RIMS2: variants seen among roughly 807,000 people sequenced by gnomAD.
RIMS2 encodes the protein regulating synaptic membrane exocytosis protein 2.
RIMS2 carries 59 observed loss-of-function variants against 174.4 expected under a neutral mutation model. The ratio of observed to expected loss-of-function variants is 0.34; its 90% CI spans 0.27 to 0.42. The LOEUF (loss-of-function observed/expected upper bound fraction) is 0.42. Ranked by LOEUF, RIMS2 falls within the 10% of genes least tolerant of loss-of-function variation. The probability of loss-of-function intolerance (pLI) is 1.00; values close to 1 mark genes in which losing one functional copy is unlikely to be tolerated. For missense variants in RIMS2, 1,620 were observed against 1,666.3 expected (o/e 0.97, Z 0.48); for synonymous variants, 606 against 572.5 (o/e 1.06, Z -0.84).
intron 2 of RIMS2, among the ~76,000 whole-genome samples, chr8:103,734,591 G>A (rs1038270900): frequency 2.6e-5 from 4 of 151,558 alleles, no homozygotes; most frequent in Non-Finnish European, 4.4e-5. Flanking sequence ...TGGAGTATCT[G>A]CAGGTTTTCT....
At chr8:103,882,411 C>T (rs958092306) in intron 3 of RIMS2, among the ~76,000 whole-genome samples, 5 of 151,444 alleles carry the variant, frequency 3.3e-5, no homozygotes, top group Non-Finnish European at 4.4e-5. Flanking sequence ...TAATTGATTG[C>T]AGGTTCTTCA....
intron 1 of RIMS2, among the ~76,000 whole-genome samples, chr8:103,597,843 A>T (rs1352025621): frequency 6.6e-6 from 1 of 152,080 alleles, no homozygotes; most frequent in African/African-American, 2.4e-5. Flanking sequence ...GGGTCATGAA[A>T]TCAATTTGGT....
At chr8:103,994,786 A>G (rs1394091976) in intron 17 of RIMS2, among the ~76,000 whole-genome samples, 2 of 152,146 alleles carry the variant, frequency 1.3e-5, no homozygotes, top group African/African-American at 4.8e-5. Context: ...TAACATGACT[A>G]GAGACAGAAA....
chr8:103,683,437 A>G (rs966814000), intron 1 of RIMS2, among the ~76,000 whole-genome samples: 2 of 152,194 alleles, frequency 1.3e-5, no homozygotes, highest in Admixed American at 6.5e-5. Flanking sequence ...TAATCTATTC[A>G]TGAGATATCT....
chr8:104,223,341 C>A, intron 19 of RIMS2: 1 of 1,113,278 alleles, frequency 9.0e-7, no homozygotes, highest in Non-Finnish European at 1.1e-6. Context: ...GAGACTCCAG[C>A]AGCTCCAGCC....
chr8:103,921,293 CTG>C (rs2077604476), intron 9 of RIMS2, among the ~76,000 whole-genome samples: 1 of 151,970 alleles, frequency 6.6e-6, no homozygotes, highest in South Asian at 2.1e-4. Flanking sequence ...CAAATGTAGT[CTG>C]TCTTTCAGTT....
At chr8:104,093,374 C>T in intron 19 of RIMS2, 97 bp from the exon 24 acceptor site, 1 of 852,220 alleles carries the variant, frequency 1.2e-6, no homozygotes, top group South Asian at 2.1e-5. Flanking sequence ...GCAGTTTCCT[C>T]TGTGGACAAT....
rs547580221 is a variant in RIMS2 at position 103,614,231 on chromosome 8, C to T, written c.177-82855C>T. ...TTCTGACCACTGGGTTGGGCAATTT[C>T]CCCCTGGCCAGGTCTGGTCCGTTTG... On this transcript the variant is annotated intron_variant, in intron 1 of 23. Coordinates refer to ENST00000504942, the Ensembl canonical transcript of RIMS2. Among the ~76,000 whole-genome samples the T allele has an allele frequency of 2.0e-4, 31 of 152,378 alleles. 1 individual carries two copies. In the South Asian group the frequency reaches 2.3e-3, roughly 11 times the overall value.
At chr8:103,598,792 A>G (rs1466741419) in intron 1 of RIMS2, among the ~76,000 whole-genome samples, 2 of 152,176 alleles carry the variant, frequency 1.3e-5, no homozygotes, top group African/African-American at 4.8e-5. Flanking sequence ...ACTTGTTCCA[A>G]AAGTAAATAG....
chr8:103,820,601 GA>G (rs1014550870), intron 3 of RIMS2, among the ~76,000 whole-genome samples: 1 of 151,640 alleles, frequency 6.6e-6, no homozygotes, highest in African/African-American at 2.4e-5. Flanking sequence ...TTTAGCAAAT[GA>G]AAAAAAGGCT....
intron 1 of RIMS2, among the ~76,000 whole-genome samples, chr8:103,647,255 A>G (rs540472444): frequency 6.6e-6 from 1 of 152,058 alleles, no homozygotes; most frequent in Admixed American, 6.5e-5. Flanking sequence ...TTTATGTTTG[A>G]CAGTTTTTGC....
At chr8:103,930,112 A>T (rs1411679693) in intron 11 of RIMS2, among the ~76,000 whole-genome samples, 1 of 152,070 alleles carries the variant, frequency 6.6e-6, no homozygotes, top group Non-Finnish European at 1.5e-5. Context: ...CTAAATTGGT[A>T]ACTATAATTT....
At chr8:103,642,336 T>A (rs936138529) in intron 1 of RIMS2, among the ~76,000 whole-genome samples, 1 of 152,164 alleles carries the variant, frequency 6.6e-6, no homozygotes, top group African/African-American at 2.4e-5. Flanking sequence ...GGTAACAGAT[T>A]ATTCACAATT....
chr8:104,171,802 C>G (rs1020408892), intron 19 of RIMS2, among the ~76,000 whole-genome samples: 4 of 152,084 alleles, frequency 2.6e-5, no homozygotes, highest in South Asian at 4.1e-4. Flanking sequence ...TTATTTTCTA[C>G]TGGACTGTGT....
At chr8:104,105,461 C>T (rs959305890) in intron 19 of RIMS2, among the ~76,000 whole-genome samples, 4 of 152,094 alleles carry the variant, frequency 2.6e-5, no homozygotes, top group African/African-American at 9.7e-5. Context: ...GTTCCACTTG[C>T]TATTGGTGTC....
At chr8:103,959,835 T>C (rs183286148) in intron 14 of RIMS2, among the ~76,000 whole-genome samples, 14 of 152,226 alleles carry the variant, frequency 9.2e-5, no homozygotes, top group Admixed American at 2.6e-4. Context: ...GCTCAAATTA[T>C]ATTTCAGTCT....
chr8:103,856,617 A>G (rs2099029065), intron 3 of RIMS2, among the ~76,000 whole-genome samples: 1 of 152,226 alleles, frequency 6.6e-6, no homozygotes, highest in Admixed American at 6.5e-5. Context: ...TTCATAGTTT[A>G]TGCACATAGT....
chr8:103,775,307 T>A (rs2098300801), intron 3 of RIMS2, among the ~76,000 whole-genome samples: 1 of 152,012 alleles, frequency 6.6e-6, no homozygotes, highest in African/African-American at 2.4e-5. Flanking sequence ...GGGAAATAAT[T>A]TGTAAAAGGA....
chr8:103,874,599 A>G (rs2099126857), intron 3 of RIMS2, among the ~76,000 whole-genome samples: 1 of 152,070 alleles, frequency 6.6e-6, no homozygotes, highest in Non-Finnish European at 1.5e-5. Flanking sequence ...ACAGTGTGAA[A>G]TTATTTTCTA....
Sources: gnomAD v4.1 joint callset for allele counts (sites outside exome capture counted in the v4.1 genomes callset) on GRCh38, gnomAD v4.1.1 for gene constraint, MANE v1.5 for transcripts, NCBI Gene and HGNC (gene_info 2026-07-23, HGNC 2026-07-21) for gene names.